SUGCT: variants seen among roughly 807,000 people sequenced by gnomAD.
SUGCT encodes the protein succinyl-CoA:glutarate-CoA transferase, also known as succinyl-CoA:glutarate CoA-transferase.
In SUGCT, 41 loss-of-function variants were observed where a neutral mutation model predicts 55.0. The ratio of observed to expected loss-of-function variants is 0.74; its 90% CI spans 0.58 to 0.97. SUGCT has a LOEUF of 0.97. SUGCT is among the 50% of genes least tolerant of loss of function. The pLI is 0.00. For synonymous variants in SUGCT, 187 were observed against 200.4 expected (o/e 0.93, Z 0.56); for missense variants, 568 against 547.8 (o/e 1.04, Z -0.37).
At chr7:40,621,870 T>A (rs1257432350) in intron 12 of SUGCT, among the ~76,000 whole-genome samples, 2 of 152,220 alleles carry the variant, frequency 1.3e-5, no homozygotes, top group East Asian at 3.8e-4. Flanking sequence ...TGTTAGGCTC[T>A]TGGTCCCAAA....
chr7:40,992,553 A>G, the SUGCT span, among the ~76,000 whole-genome samples: 4 of 152,248 alleles, frequency 2.6e-5, no homozygotes, highest in Admixed American at 2.6e-4. Flanking sequence ...CTCTGGTTCA[A>G]ATACCTCTGA....
Position 40,475,211 on chromosome 7 carries a change from G to C in SUGCT, c.986+16013G>C, listed in dbSNP as rs370106025. Reference sequence around the variant, plus strand: ...CCTTGTTTAAACCAACATGATTGCTGTCTCTGCTAGCTTCTTGTTTTTCAC... The same window carrying C: ...CCTTGTTTAAACCAACATGATTGCTCTCTCTGCTAGCTTCTTGTTTTTCAC... On this transcript the variant is annotated intron_variant, in intron 11 of 13. Transcript: ENST00000335693. Among the ~76,000 whole-genome samples, 3 of 152,248 alleles carry C rather than the reference G, an allele frequency of 2.0e-5. No homozygotes were observed. The South Asian group carries it at 6.2e-4, about 32-fold the overall frequency.
intron 12 of SUGCT, among the ~76,000 whole-genome samples, chr7:40,593,203 C>T (rs145731226): frequency 1.2e-3 from 181 of 152,226 alleles, no homozygotes; most frequent in African/African-American, 4.2e-3. Context: ...AGCTGAACAC[C>T]CAGCTCTGTC....
At chr7:40,372,420 C>T (rs993263029) in intron 9 of SUGCT, among the ~76,000 whole-genome samples, 1 of 151,998 alleles carries the variant, frequency 6.6e-6, no homozygotes, top group Admixed American at 6.6e-5. Context: ...TTTTCTATTT[C>T]CACATCAAAT....
the SUGCT span, among the ~76,000 whole-genome samples, chr7:40,949,320 A>G: frequency 6.6e-6 from 1 of 151,638 alleles, no homozygotes. Context: ...TTTTCTTGTA[A>G]ATTTGTTTGA....
chr7:40,914,995 T>G, the SUGCT span, among the ~76,000 whole-genome samples: 1 of 152,152 alleles, frequency 6.6e-6, no homozygotes, highest in Non-Finnish European at 1.5e-5. Context: ...AAAAGTTTAT[T>G]CTTACCGTAA....
chr7:40,514,142 T>C (rs866927236), intron 12 of SUGCT, among the ~76,000 whole-genome samples: 1 of 151,888 alleles, frequency 6.6e-6, no homozygotes, highest in South Asian at 2.1e-4. Flanking sequence ...AAATATGGAC[T>C]GTTTTTTTTT....
At chr7:40,396,327 T>G (rs1785728321) in intron 9 of SUGCT, among the ~76,000 whole-genome samples, 1 of 152,184 alleles carries the variant, frequency 6.6e-6, no homozygotes, top group Admixed American at 6.5e-5. Flanking sequence ...CGAGAATTAT[T>G]ATGAATATTA....
At chr7:40,801,077 G>A (rs1387772546) in intron 13 of SUGCT, among the ~76,000 whole-genome samples, 1 of 152,178 alleles carries the variant, frequency 6.6e-6, no homozygotes, top group Non-Finnish European at 1.5e-5. Context: ...AGATCAACTT[G>A]TTCACACAGC....
chr7:40,606,727 G>A (rs1475037973), intron 12 of SUGCT, among the ~76,000 whole-genome samples: 4 of 152,164 alleles, frequency 2.6e-5, no homozygotes, highest in Admixed American at 2.6e-4. Flanking sequence ...TTAACATCTA[G>A]GATTTAATGT....
intron 1 of SUGCT, among the ~76,000 whole-genome samples, chr7:40,135,872 G>T (rs184684651): frequency 6.6e-6 from 1 of 152,282 alleles, no homozygotes; most frequent in Non-Finnish European, 1.5e-5. Context: ...GGCCAGGCTG[G>T]TCTCGAATTC....
intron 1 of SUGCT, among the ~76,000 whole-genome samples, chr7:40,180,612 C>T (rs1785143761): frequency 6.6e-6 from 1 of 151,988 alleles, no homozygotes; most frequent in East Asian, 1.9e-4. Flanking sequence ...GCCTCAGCCT[C>T]CCGATAATTG....
At chr7:40,425,079 C>G (rs1261847890) in intron 9 of SUGCT, among the ~76,000 whole-genome samples, 1 of 152,122 alleles carries the variant, frequency 6.6e-6, no homozygotes. Context: ...ACATTTCTCT[C>G]AGCCAAAAGA....
chr7:40,735,735 A>G (rs1787118971), intron 12 of SUGCT, among the ~76,000 whole-genome samples: 1 of 152,184 alleles, frequency 6.6e-6, no homozygotes, highest in African/African-American at 2.4e-5. Flanking sequence ...AACAAATTTT[A>G]AAACCTGTCA....
intron 13 of SUGCT, among the ~76,000 whole-genome samples, chr7:40,846,209 T>C (rs1035690956): frequency 1.3e-5 from 2 of 152,216 alleles, no homozygotes; most frequent in Non-Finnish European, 2.9e-5. Context: ...AAACAAAGTC[T>C]TGGGAATGCG....
chr7:40,330,708 C>T (rs1796264176), intron 9 of SUGCT, among the ~76,000 whole-genome samples: 1 of 151,960 alleles, frequency 6.6e-6, no homozygotes. Flanking sequence ...TACTTTATAT[C>T]ACTAAATGCG....
chr7:40,135,965 A>G (rs1315798254), intron 1 of SUGCT, among the ~76,000 whole-genome samples: 1 of 148,894 alleles, frequency 6.7e-6, no homozygotes, highest in Non-Finnish European at 1.5e-5. Context: ...CGCGCGGCCC[A>G]CTATGAATCT....
At chr7:40,613,792 T>G (rs554436582) in intron 12 of SUGCT, among the ~76,000 whole-genome samples, 8 of 152,230 alleles carry the variant, frequency 5.3e-5, no homozygotes, top group Admixed American at 1.3e-4. Context: ...GTATTTTTAG[T>G]AGAAACGGGG....
At chr7:41,037,894 T>G in the SUGCT span, among the ~76,000 whole-genome samples, 1 of 152,172 alleles carries the variant, frequency 6.6e-6, no homozygotes, top group Non-Finnish European at 1.5e-5. Context: ...ATAAGATTCC[T>G]TTTTCTGTTG....
Sources: gnomAD v4.1 joint callset for allele counts (sites outside exome capture counted in the v4.1 genomes callset) on GRCh38, gnomAD v4.1.1 for gene constraint, MANE v1.5 for transcripts, NCBI Gene and HGNC (gene_info 2026-07-23, HGNC 2026-07-21) for gene names.